The following LRFN2 variants were observed in gnomAD, a reference collection of about 807,000 sequenced individuals.
LRFN2 encodes the protein leucine rich repeat and fibronectin type III domain containing 2, also known as leucine-rich repeat and fibronectin type-III domain-containing protein 2.
A neutral mutation model predicts 37.3 loss-of-function variants in LRFN2; 18 were observed. The observed-to-expected ratio is 0.48, with a 90% CI of 0.33 to 0.72. The LOEUF (loss-of-function observed/expected upper bound fraction) is 0.72. Ranked by LOEUF, LRFN2 falls within the 30% of genes least tolerant of loss-of-function variation. LRFN2 has a pLI of 0.02. For missense variants in LRFN2, 1,006 were observed against 1,060.7 expected (o/e 0.95, Z 0.72); for synonymous variants, 556 against 466.6 (o/e 1.19, Z -2.47).
At chr6:40,492,262 G>C (rs1333470020) in intron 1 of LRFN2, among the ~76,000 whole-genome samples, 1 of 152,184 alleles carries the variant, frequency 6.6e-6, no homozygotes, top group African/African-American at 2.4e-5. Flanking sequence ...CCAAGGGTGA[G>C]TGAAGCGTGA....
intron 1 of LRFN2, among the ~76,000 whole-genome samples, chr6:40,515,748 C>A (rs1192722590): frequency 6.6e-6 from 1 of 152,024 alleles, no homozygotes; most frequent in African/African-American, 2.4e-5. Context: ...AAAAAATTAG[C>A]CAGGCGTGGT....
intron 1 of LRFN2, among the ~76,000 whole-genome samples, chr6:40,508,659 AT>A (rs1482611952): frequency 6.6e-6 from 1 of 152,210 alleles, no homozygotes; most frequent in Non-Finnish European, 1.5e-5. Context: ...AAAAGTACCT[AT>A]TTTTAAGGGT....
At chr6:40,510,645 AG>A (rs1765680625) in intron 1 of LRFN2, among the ~76,000 whole-genome samples, 1 of 152,236 alleles carries the variant, frequency 6.6e-6, no homozygotes, top group South Asian at 2.1e-4. Context: ...CAAACACAGA[AG>A]CCAGTGATAA....
At chr6:40,547,729 CGA>C (rs994029565) in intron 1 of LRFN2, among the ~76,000 whole-genome samples, 4 of 152,076 alleles carry the variant, frequency 2.6e-5, no homozygotes, top group Admixed American at 2.6e-4. Flanking sequence ...TTCCTCATCA[CGA>C]GTCTGGCCCG....
At chr6:40,471,860 G>T (rs181508125) in intron 1 of LRFN2, among the ~76,000 whole-genome samples, 6 of 152,250 alleles carry the variant, frequency 3.9e-5, no homozygotes, top group African/African-American at 9.6e-5. Context: ...GTAAGCAGGG[G>T]ACCCCAACAC....
rs752168844 is a variant in LRFN2 at position 40,392,717 on chromosome 6, G to A, written c.1596C>T (p.Gly532=). ...TGCCCCCGATGACCAGGATCATGGTGCCGCCCAGAATCTGGCTGTGCATGG... is the reference window on the plus strand; with the variant it reads ...TGCCCCCGATGACCAGGATCATGGTACCGCCCAGAATCTGGCTGTGCATGG... ...CQSMHSQILG[G]TMILVIGGII... The change falls in exon 3 of 3, where the codon GGC becomes GGT. Residue 532 remains glycine (G), a synonymous_variant. Transcript: ENST00000338305. The surrounding 1 kb of genome is among the most constrained non-coding windows in gnomAD (Gnocchi z 4.7). 9.3e-6 allele frequency: 15 copies of A among 1,613,770 alleles called. No homozygotes were observed. Among genetic ancestry groups the A allele is most frequent in the Non-Finnish European group, 5.9e-6 (7 of 1,179,898 alleles).
intron 1 of LRFN2, among the ~76,000 whole-genome samples, chr6:40,498,021 G>C (rs1765276617): frequency 6.6e-6 from 1 of 152,148 alleles, no homozygotes; most frequent in Non-Finnish European, 1.5e-5. Flanking sequence ...GTGCTGAGGG[G>C]AGCAAAGGAT....
chr6:40,477,162 T>C (rs1764728090), intron 1 of LRFN2, among the ~76,000 whole-genome samples: 1 of 152,198 alleles, frequency 6.6e-6, no homozygotes, highest in African/African-American at 2.4e-5. Context: ...ACCCAGAGTA[T>C]TTTGGATATT....
intron 1 of LRFN2, among the ~76,000 whole-genome samples, chr6:40,515,685 T>A (rs1765845098): frequency 6.6e-6 from 1 of 152,020 alleles, no homozygotes; most frequent in Non-Finnish European, 1.5e-5. Flanking sequence ...GGTCAGGAGT[T>A]CAAGACCAGC....
intron 1 of LRFN2, among the ~76,000 whole-genome samples, chr6:40,562,668 T>C (rs766494333): frequency 6.6e-6 from 1 of 152,144 alleles, no homozygotes; most frequent in Non-Finnish European, 1.5e-5. Flanking sequence ...GGGGCCTCCC[T>C]GTCCTGCCAA....
intron 1 of LRFN2, among the ~76,000 whole-genome samples, chr6:40,546,454 G>A (rs1014739104): frequency 2.0e-5 from 3 of 152,172 alleles, no homozygotes; most frequent in Non-Finnish European, 4.4e-5. Context: ...TTTATTAGGG[G>A]CAAAGGTGAG....
intron 1 of LRFN2, among the ~76,000 whole-genome samples, chr6:40,446,632 A>T (rs1254325850): frequency 6.6e-6 from 1 of 152,230 alleles, no homozygotes; most frequent in Non-Finnish European, 1.5e-5. Flanking sequence ...CTCCATACAG[A>T]ATCTGAGTAA....
chr6:40,557,494 C>T (rs1766912323), intron 1 of LRFN2, among the ~76,000 whole-genome samples: 1 of 152,132 alleles, frequency 6.6e-6, no homozygotes, highest in Non-Finnish European at 1.5e-5. Context: ...ATTGAATGTT[C>T]CATTGGGTTT....
chr6:40,431,809 C>A lies in LRFN2; in HGVS notation c.1305G>T (p.Ser435=), dbSNP rs370227865. ...AVLVSEVTTT[S]ALVKWSVSKS... ...TGCTGACAGACCACTTGACCAGGGCCGAGGTGGTGGTCACTTCAGACACAA... is the reference window on the plus strand; with the variant it reads ...TGCTGACAGACCACTTGACCAGGGCAGAGGTGGTGGTCACTTCAGACACAA... The change falls in exon 2 of 3, where the codon TCG becomes TCT. Residue 435 remains serine (S), a synonymous_variant. Transcript: ENST00000338305. The A allele has an allele frequency of 5.2e-6, 8 of 1,550,058 alleles. No individual in the cohort carries two copies. The African/African-American group carries it at 8.2e-5, about 16-fold the overall frequency.
chr6:40,480,334 G>C (rs1278524911), intron 1 of LRFN2, among the ~76,000 whole-genome samples: 1 of 152,144 alleles, frequency 6.6e-6, no homozygotes, highest in Middle Eastern at 3.2e-3. Context: ...CTGCAGGGCA[G>C]TGGCACAATC....
intron 2 of LRFN2, among the ~76,000 whole-genome samples, chr6:40,421,127 C>G (rs185459225): frequency 2.6e-5 from 4 of 152,334 alleles, no homozygotes; most frequent in Admixed American, 2.0e-4. Flanking sequence ...AGAGCAAGAG[C>G]AGTGAGCCAC....
chr6:40,496,062 C>G (rs915340366), intron 1 of LRFN2, among the ~76,000 whole-genome samples: 1 of 152,124 alleles, frequency 6.6e-6, no homozygotes, highest in Non-Finnish European at 1.5e-5. Flanking sequence ...CCACCATCCA[C>G]CCATCCAGAT....
intron 1 of LRFN2, among the ~76,000 whole-genome samples, chr6:40,479,107 T>C (rs548274755): frequency 1.3e-4 from 20 of 152,330 alleles, no homozygotes; most frequent in African/African-American, 4.6e-4. Context: ...TGTGCCTCAG[T>C]TTTCTCATTG....
intron 1 of LRFN2, among the ~76,000 whole-genome samples, chr6:40,529,347 G>A: frequency 6.6e-6 from 1 of 152,176 alleles, no homozygotes; most frequent in East Asian, 1.9e-4. Context: ...TTCAGGGTCA[G>A]TTTCATGGCA....
Sources: gnomAD v4.1 joint callset for allele counts (sites outside exome capture counted in the v4.1 genomes callset) on GRCh38, gnomAD v4.1.1 for gene constraint, Gnocchi (gnomAD v3.1) non-coding constraint, MANE v1.5 for transcripts, NCBI Gene and HGNC (gene_info 2026-07-23, HGNC 2026-07-21) for gene names.